Variants in GRIA1 observed in about 807,000 individuals in gnomAD.
GRIA1 encodes glutamate receptor 1.
In GRIA1, 31 loss-of-function variants were observed where a neutral mutation model predicts 99.2. The observed-to-expected ratio is 0.31, with a 90% CI of 0.23 to 0.42. The LOEUF is 0.42. Ranked by LOEUF, GRIA1 falls within the 10% of genes least tolerant of loss-of-function variation. GRIA1 has a pLI of 1.00. For synonymous variants in GRIA1, 438 were observed against 432.4 expected (o/e 1.01, Z -0.16); for missense variants, 782 against 1,157.5 (o/e 0.68, Z 4.71).
chr5:153,596,028 TA>T (rs5872327), intron 2 of GRIA1, among the ~76,000 whole-genome samples: 9,653 of 147,660 alleles, frequency 0.065, 337 homozygotes, highest in Non-Finnish European at 0.077. Context: ...ATATAGACAA[TA>T]AAAAAAAAAA....
intron 11 of GRIA1, among the ~76,000 whole-genome samples, chr5:153,760,222 G>A (rs758929787): frequency 6.6e-6 from 1 of 151,926 alleles, no homozygotes; most frequent in Non-Finnish European, 1.5e-5. Flanking sequence ...AAAAAATAAA[G>A]AACATTCAAA....
chr5:153,724,993 G>A (rs1760399422), intron 11 of GRIA1, among the ~76,000 whole-genome samples: 1 of 152,174 alleles, frequency 6.6e-6, no homozygotes, highest in African/African-American at 2.4e-5. Context: ...AGGGCAGCCA[G>A]AGAGAAAGGT....
intron 2 of GRIA1, among the ~76,000 whole-genome samples, chr5:153,600,334 G>A (rs1764815913): frequency 6.9e-6 from 1 of 144,160 alleles, no homozygotes; most frequent in Non-Finnish European, 1.5e-5. Flanking sequence ...GGAGTTTGCA[G>A]TGAGCCGAGA....
chr5:153,627,331 T>C (rs543298414), intron 2 of GRIA1, among the ~76,000 whole-genome samples: 1 of 152,280 alleles, frequency 6.6e-6, no homozygotes, highest in South Asian at 2.1e-4. Context: ...TCAGAGTTAC[T>C]AATTAACTTG....
chr5:153,726,482 A>G (rs886544711), intron 11 of GRIA1, among the ~76,000 whole-genome samples: 1 of 150,596 alleles, frequency 6.6e-6, no homozygotes, highest in African/African-American at 2.5e-5. Context: ...AACAAAATTG[A>G]TAGACCACTA....
chr5:153,500,342 C>G (rs1334346729), intron 2 of GRIA1, among the ~76,000 whole-genome samples: 3 of 152,080 alleles, frequency 2.0e-5, no homozygotes, highest in African/African-American at 7.2e-5. Flanking sequence ...TGTCACTGCC[C>G]CACTCCATAC....
chr5:153,795,077 T>C (rs1765562743), intron 14 of GRIA1, among the ~76,000 whole-genome samples: 1 of 152,030 alleles, frequency 6.6e-6, no homozygotes, highest in African/African-American at 2.4e-5. Flanking sequence ...AGGGTGCCCT[T>C]TTTTTCAAAG....
intron 7 of GRIA1, among the ~76,000 whole-genome samples, chr5:153,679,051 G>T (rs1487412771): frequency 6.6e-6 from 1 of 152,158 alleles, no homozygotes; most frequent in Admixed American, 6.5e-5. Flanking sequence ...CCCTCAGTAG[G>T]GTTTGAAAGG....
intron 1 of GRIA1, among the ~76,000 whole-genome samples, chr5:153,493,376 T>C (rs973486066): frequency 6.6e-6 from 1 of 152,206 alleles, no homozygotes; most frequent in Non-Finnish European, 1.5e-5. Context: ...AATAGTTAAA[T>C]TGCATGCAGG....
At chr5:153,653,997 G>C (rs1216168404) in intron 4 of GRIA1, among the ~76,000 whole-genome samples, 1 of 152,104 alleles carries the variant, frequency 6.6e-6, no homozygotes, top group African/African-American at 2.4e-5. Flanking sequence ...TGAGGTGATG[G>C]ACCCCTTGTG....
intron 11 of GRIA1, among the ~76,000 whole-genome samples, chr5:153,729,622 A>G (rs571352818): frequency 5.3e-5 from 8 of 152,076 alleles, no homozygotes; most frequent in African/African-American, 1.9e-4. Context: ...TCTGTGCAAA[A>G]TTGGGTTACA....
chr5:153,798,198 A>G (rs934199149), intron 14 of GRIA1, among the ~76,000 whole-genome samples: 2 of 152,212 alleles, frequency 1.3e-5, no homozygotes, highest in African/African-American at 2.4e-5. Context: ...TGGTTGAACC[A>G]AATCCACCTC....
intron 2 of GRIA1, among the ~76,000 whole-genome samples, chr5:153,498,641 A>C (rs934283708): frequency 1.1e-4 from 17 of 152,194 alleles, no homozygotes; most frequent in African/African-American, 2.9e-4. Flanking sequence ...AACATGGCTC[A>C]TCAACTTCAG....
intron 13 of GRIA1, among the ~76,000 whole-genome samples, chr5:153,791,314 G>T (rs866791584): frequency 6.6e-6 from 1 of 151,662 alleles, no homozygotes; most frequent in Middle Eastern, 3.2e-3. Flanking sequence ...GAAAAAACCT[G>T]CTTTGGCTCC....
chr5:153,534,862 G>C (rs950648181), intron 2 of GRIA1, among the ~76,000 whole-genome samples: 1 of 152,136 alleles, frequency 6.6e-6, no homozygotes, highest in African/African-American at 2.4e-5. Flanking sequence ...ATTTGAAAAA[G>C]TGTATTCTAC....
intron 4 of GRIA1, among the ~76,000 whole-genome samples, chr5:153,654,962 T>C (rs1320020305): frequency 6.6e-6 from 1 of 152,226 alleles, no homozygotes; most frequent in Non-Finnish European, 1.5e-5. Flanking sequence ...ACAAATATTT[T>C]TTCTACCTGT....
At chr5:153,793,260 A>C (rs77044915) in intron 13 of GRIA1, among the ~76,000 whole-genome samples, 1,574 of 152,306 alleles carry the variant, frequency 0.01, 35 homozygotes, top group African/African-American at 0.037. Context: ...TGGGATTCAT[A>C]ATAGTAAAAG....
intron 2 of GRIA1, among the ~76,000 whole-genome samples, chr5:153,514,976 A>T (rs569022960): frequency 5.8e-4 from 89 of 152,312 alleles, no homozygotes; most frequent in Non-Finnish European, 8.5e-4. Flanking sequence ...TAAGGATGTG[A>T]AAAGAAAAGG....
chr5:153,754,127 C>G (rs188131720), intron 11 of GRIA1, among the ~76,000 whole-genome samples: 1 of 152,276 alleles, frequency 6.6e-6, no homozygotes, highest in East Asian at 1.9e-4. Context: ...AGAAAAGGCT[C>G]TCATTCCCAG....
Sources: gnomAD v4.1 joint callset for allele counts (sites outside exome capture counted in the v4.1 genomes callset) on GRCh38, gnomAD v4.1.1 for gene constraint, MANE v1.5 for transcripts, NCBI Gene and HGNC (gene_info 2026-07-23, HGNC 2026-07-21) for gene names.